Variants in UBLCP1 observed in about 807,000 individuals in gnomAD.
The protein encoded by UBLCP1 is ubiquitin like domain containing CTD phosphatase 1.
UBLCP1 carries 28 observed loss-of-function variants against 42.4 expected under a neutral mutation model. That is an observed-to-expected ratio of 0.66 (90% CI 0.49 to 0.90). The LOEUF (loss-of-function observed/expected upper bound fraction) is 0.90, where lower values mean the gene tolerates loss of function less well. UBLCP1 is among the 40% of genes least tolerant of loss of function. UBLCP1 has a pLI of 0.00. For missense variants in UBLCP1, 279 were observed against 374.5 expected (o/e 0.75, Z 2.10); for synonymous variants, 122 against 120.8 (o/e 1.01, Z -0.07).
At chr5:159,266,114 C>T (rs994344555) in intron 1 of UBLCP1, among the ~76,000 whole-genome samples, 1 of 152,172 alleles carries the variant, frequency 6.6e-6, no homozygotes, top group Non-Finnish European at 1.5e-5. Context: ...GAGGTTGGAA[C>T]AGTTTGGAGG....
At position 159,283,273 on chromosome 5, in the gene UBLCP1, C is replaced by T; in HGVS notation, c.863C>T (p.Thr288Ile). Reference sequence around the variant, plus strand: ...AAAGACAAAGAACTTTTAAAATTAACTCAGTACCTCAAGGAGATAGCAAAA... The same window carrying T: ...AAAGACAAAGAACTTTTAAAATTAATTCAGTACCTCAAGGAGATAGCAAAA... ...RDKDKELLKL[T>I]QYLKEIAKLD... The change falls in exon 10 of 11, where the codon ACT becomes ATT. Residue 288 changes from threonine (T) to isoleucine (I), a missense_variant. Thr to Ile is a moderately conservative substitution (Grantham distance 89). Transcript: ENST00000296786. 1 of 1,606,448 alleles carries T rather than the reference C, an allele frequency of 6.2e-7. No homozygotes were observed. The highest frequency in any genetic ancestry group is 8.5e-7 in the Non-Finnish European group (1 of 1,176,888).
intron 9 of UBLCP1, among the ~76,000 whole-genome samples, chr5:159,282,968 A>G (rs1054959244): frequency 6.6e-6 from 1 of 152,104 alleles, no homozygotes; most frequent in Non-Finnish European, 1.5e-5. Context: ...ATTCAAGTGC[A>G]ATAAGAAAGC....
At position 159,274,546 on chromosome 5, in the gene UBLCP1, C is replaced by A. The variant is rs774229216; in HGVS notation, c.548-39C>A. On this transcript the variant is annotated intron_variant, in intron 6 of 10. Transcript: ENST00000296786. ...CAGATTTTTTTTAAAGAAATTCAAG[C>A]TTTTCATATGTATTGTATTATCATT... The A allele has an allele frequency of 3.2e-6, 5 of 1,558,886 alleles. No individual in the cohort carries two copies. The Admixed American group carries it at 5.8e-5, about 18-fold the overall frequency.
At chr5:159,280,642 T>C (rs1753597240) in intron 9 of UBLCP1, among the ~76,000 whole-genome samples, 1 of 152,202 alleles carries the variant, frequency 6.6e-6, no homozygotes, top group African/African-American at 2.4e-5. Context: ...TCAAATGCTG[T>C]GTTTTGTTAT....
intron 10 of UBLCP1, among the ~76,000 whole-genome samples, chr5:159,284,315 AG>A (rs1323197264): frequency 6.6e-6 from 1 of 152,184 alleles, no homozygotes; most frequent in African/African-American, 2.4e-5. Context: ...CACCAATTAT[AG>A]TAGTTTGTAA....
rs1239532059 is a variant in UBLCP1, at chr5:159,285,515, AT to A, written c.*587del. 6.5e-6 allele frequency: 1 copy of A among 152,890 alleles called. No individual in the cohort carries two copies. The highest frequency in any genetic ancestry group is 2.4e-5 in the African/African-American group (1 of 41,416). 9.5% of individuals were successfully genotyped at this position (152,890 alleles called of 1,614,324 possible). On this transcript the variant is annotated 3_prime_UTR_variant, in exon 11 of 11. Transcript: ENST00000296786. The stretch of plus-strand genomic sequence containing the variant: ...TTCTCTTCTGTATGCCACTAGTTAC[AT>A]TTCTAAATTCTGAGCGGTCTCAGTT...
intron 1 of UBLCP1, among the ~76,000 whole-genome samples, chr5:159,264,312 A>G (rs916105697): frequency 6.6e-6 from 1 of 152,246 alleles, no homozygotes; most frequent in African/African-American, 2.4e-5. Context: ...ATCATTTTTC[A>G]GCTTATAAAT....
chr5:159,266,344 G>A (rs1753390635), intron 1 of UBLCP1, among the ~76,000 whole-genome samples: 1 of 152,156 alleles, frequency 6.6e-6, no homozygotes, highest in African/African-American at 2.4e-5. Context: ...AGAGATTTGT[G>A]GAACTTTGAA....
Position 159,285,223 on chromosome 5 carries a change from C to CAT in UBLCP1, c.*293_*294insTA. 1 of 258,494 alleles carries CAT rather than the reference C, an allele frequency of 3.9e-6. No individual in the cohort carries two copies. The highest frequency in any genetic ancestry group is 7.2e-6 in the Non-Finnish European group (1 of 138,706). The allele number at this position is 258,494 out of a possible 1,614,324, so 16.0% of individuals were successfully genotyped here. On this transcript the variant is annotated 3_prime_UTR_variant, in exon 11 of 11. Transcript: ENST00000296786. ...ACACACACACACACACACACACACA[C>CAT]ACACACACACACACACACACAAAGT...
At chr5:159,263,652 C>G (rs1233814549) in intron 1 of UBLCP1, among the ~76,000 whole-genome samples, 1 of 152,202 alleles carries the variant, frequency 6.6e-6, no homozygotes, top group Non-Finnish European at 1.5e-5. Context: ...CCCTCAACCT[C>G]CTTGTTGAAG....
intron 9 of UBLCP1, among the ~76,000 whole-genome samples, chr5:159,279,829 T>C (rs762714767): frequency 6.6e-6 from 1 of 152,218 alleles, no homozygotes; most frequent in Non-Finnish European, 1.5e-5. Flanking sequence ...ACCTAATTGT[T>C]TGTGAAACGA....
chr5:159,277,954 TTAAA>T (rs1413101929), intron 8 of UBLCP1, among the ~76,000 whole-genome samples: 4 of 152,196 alleles, frequency 2.6e-5, no homozygotes, highest in African/African-American at 9.6e-5. Context: ...TTTTAAAAAA[TTAAA>T]TAATTTATTT....
At position 159,283,319 on chromosome 5, in the gene UBLCP1, A is replaced by T. The variant is rs780420086; in HGVS notation, c.909A>T (p.Leu303=). 14 of 1,592,356 alleles carry T rather than the reference A, an allele frequency of 8.8e-6. No homozygotes were observed. In the South Asian group the frequency reaches 1.6e-4, roughly 19 times the overall value. ...CAAAATTAGATGACTTTTTGGATCT[A>T]AATCACAAATATTGGGAAAGGTAAG... The part of the protein sequence containing the change: ...EIAKLDDFLD[L]NHKYWERYLS... The change falls in exon 10 of 11, where the codon CTA becomes CTT. Residue 303 remains leucine (L), a synonymous_variant. Transcript: ENST00000296786.
intron 5 of UBLCP1, 46 bp downstream of exon 5, chr5:159,270,689 C>G (rs767991199): frequency 8.3e-7 from 1 of 1,205,320 alleles, no homozygotes; most frequent in African/African-American, 1.6e-5. Context: ...CCCACAACAA[C>G]TCTTTTTTTC....
chr5:159,276,392 A>C (rs1000790995), intron 8 of UBLCP1, among the ~76,000 whole-genome samples: 1 of 152,216 alleles, frequency 6.6e-6, no homozygotes, highest in Non-Finnish European at 1.5e-5. Context: ...TCAAAACCAT[A>C]AATAGAATGA....
At chr5:159,265,985 T>C (rs1421164549) in intron 1 of UBLCP1, among the ~76,000 whole-genome samples, 3 of 152,166 alleles carry the variant, frequency 2.0e-5, no homozygotes, top group Admixed American at 1.3e-4. Context: ...TGGCCAGCCT[T>C]GGGTATGTCT....
intron 8 of UBLCP1, among the ~76,000 whole-genome samples, chr5:159,277,985 T>C (rs1753558250): frequency 6.6e-6 from 1 of 152,214 alleles, no homozygotes; most frequent in Admixed American, 6.5e-5. Flanking sequence ...CCCAAAATCT[T>C]CACGTTAAAA....
intron 9 of UBLCP1, among the ~76,000 whole-genome samples, chr5:159,281,083 ATTTG>A (rs996658374): frequency 1.3e-5 from 2 of 152,160 alleles, no homozygotes; most frequent in African/African-American, 2.4e-5. Context: ...TTCACCCTTA[ATTTG>A]TTTATTTAAA....
chr5:159,282,196 T>G (rs905977737), intron 9 of UBLCP1, among the ~76,000 whole-genome samples: 3 of 152,192 alleles, frequency 2.0e-5, no homozygotes, highest in Non-Finnish European at 4.4e-5. Context: ...TAATTTAAAA[T>G]TATTGAAAGA....
Sources: allele counts gnomAD v4.1 joint callset (sites outside exome capture counted in the v4.1 genomes callset), GRCh38; gene constraint gnomAD v4.1.1; transcripts MANE v1.5; gene names NCBI Gene and HGNC (gene_info 2026-07-23, HGNC 2026-07-21).